Variants in CD36 observed in about 807,000 individuals in gnomAD.
CD36 encodes CD36 molecule (CD36 blood group).
In CD36, 119 loss-of-function variants were observed where a neutral mutation model predicts 55.2. The ratio of observed to expected loss-of-function variants is 2.15; its 90% confidence interval spans 1.86 to 2.51. CD36 has a LOEUF of 2.51. Ranked by LOEUF, CD36 falls within the 30% of genes most tolerant of loss-of-function variation. CD36 has a pLI of 0.00. For synonymous variants in CD36, 186 were observed against 193.6 expected, an observed-to-expected ratio of 0.96 and a Z score of 0.33; for missense variants, 819 against 555.5, an observed-to-expected ratio of 1.47 and a Z score of -4.77.
At chr7:80,615,639 G>A (rs1793108156) in intron 1 of CD36, among the ~76,000 whole-genome samples, 1 of 152,112 alleles carries the variant, frequency 6.6e-6, no homozygotes, top group Non-Finnish European at 1.5e-5. Flanking sequence ...CTCAAAGCCT[G>A]GAGTATGATT....
chr7:80,640,740 T>C (rs747598268), intron 1 of CD36, among the ~76,000 whole-genome samples: 1 of 152,062 alleles, frequency 6.6e-6, no homozygotes, highest in African/African-American at 2.4e-5. Flanking sequence ...TAATCCCTGG[T>C]TCATAAGTCT....
chr7:80,636,472 C>T (rs1277902087), upstream of CD36, among the ~76,000 whole-genome samples: 1 of 150,896 alleles, frequency 6.6e-6, no homozygotes, highest in Non-Finnish European at 1.5e-5. Context: ...TAACTAGGGC[C>T]CGGTAGCCTG....
intron 4 of CD36, among the ~76,000 whole-genome samples, chr7:80,659,029 G>A (rs1211778612): frequency 6.6e-6 from 1 of 152,072 alleles, no homozygotes; most frequent in East Asian, 1.9e-4. Flanking sequence ...TCCATAAATA[G>A]CTCTTTCTGT....
At position 80,670,820 on chromosome 7, in the gene CD36, A is replaced by G. The variant is rs1797586086; in HGVS notation, c.819-157A>G. 6.4e-6 allele frequency: 4 copies of G among 629,850 alleles called. No homozygotes were observed. The East Asian group carries it at 8.1e-5, about 13-fold the overall frequency. The allele number at this position is 629,850 out of a possible 1,614,324, so 39.0% of individuals were successfully genotyped here. On this transcript the variant is annotated intron_variant, in intron 9 of 14. Coordinates refer to ENST00000447544, the MANE Select transcript of CD36 (RefSeq NM_001001548.3). ...TCATGCTTGGCTATTGAGTTTTAGT[A>G]TGTGTTAAAATTTCCCAATCACTTT...
At chr7:80,617,692 A>C (rs1420916365) in intron 1 of CD36, among the ~76,000 whole-genome samples, 1 of 149,348 alleles carries the variant, frequency 6.7e-6, no homozygotes, top group Non-Finnish European at 1.5e-5. Context: ...GTGCCACTGC[A>C]CTCCAGTCTG....
At position 80,673,160 on chromosome 7, in the gene CD36, G is replaced by GA. The variant is rs906616722; in HGVS notation, c.1200-187dup. ...ATTGAAAGGAAAAATCCACACTTGT[G>GA]AAAAAAAATCAATGTGATTAGAAGA... On this transcript the variant is annotated intron_variant, in intron 12 of 14. Transcript: ENST00000447544. 122 of 505,646 alleles carry GA rather than the reference G, an allele frequency of 2.4e-4. No homozygotes were observed. In the East Asian group the frequency reaches 3.1e-3, roughly 13 times the overall value. 31.3% of individuals were successfully genotyped at this position (505,646 alleles called of 1,614,324 possible). A position where few individuals can be genotyped will look rare whatever the true frequency, so the allele number is the denominator to read the frequency against.
At chr7:80,622,459 T>A (rs962803632) in intron 1 of CD36, among the ~76,000 whole-genome samples, 11 of 152,110 alleles carry the variant, frequency 7.2e-5, no homozygotes, top group African/African-American at 2.7e-4. Flanking sequence ...GTCTCAAACA[T>A]TACAGCAGAA....
intron 1 of CD36, among the ~76,000 whole-genome samples, chr7:80,619,702 G>A (rs990400502): frequency 2.0e-5 from 3 of 150,044 alleles, no homozygotes; most frequent in African/African-American, 7.3e-5. Context: ...TAATTCATGT[G>A]ATGGATCTGG....
At chr7:80,673,958 ATGT>A (rs776885834) in intron 13 of CD36, 22 bp from the exon 14 acceptor site, 16 of 1,595,008 alleles carry the variant, frequency 1.0e-5, no homozygotes, top group South Asian at 6.6e-5. Context: ...TACCCAAATA[ATGT>A]TGATTATTAA....
In CD36 at chr7:80,632,434, T is replaced by A. The variant is rs535699397; in HGVS notation, c.-183-13654T>A. 1.4e-4 allele frequency among the ~76,000 whole-genome samples: 22 copies of A among 152,212 alleles called. No homozygotes were observed. The South Asian group carries it at 3.7e-3, about 26-fold the overall frequency. Reference sequence around the variant, plus strand: ...GTTTGTGTGTGTATACACATGCATATCTGCATATGTATTTCAGTCTTTTAG... The same window carrying A: ...GTTTGTGTGTGTATACACATGCATAACTGCATATGTATTTCAGTCTTTTAG... On this transcript the variant is annotated intron_variant, in intron 1 of 13. Coordinates refer to the CD36 transcript ENST00000309881.
chr7:80,615,556 A>G (rs912868105), intron 1 of CD36, among the ~76,000 whole-genome samples: 4 of 152,144 alleles, frequency 2.6e-5, no homozygotes, highest in Non-Finnish European at 5.9e-5. Context: ...TTATTTTACA[A>G]TCTATCTCCT....
chr7:80,643,416 A>C (rs2116343069), intron 1 of CD36, among the ~76,000 whole-genome samples: 1 of 152,318 alleles, frequency 6.6e-6, no homozygotes, highest in East Asian at 1.9e-4. Context: ...TAACTTTTCC[A>C]GAGAGATAAC....
intron 1 of CD36, among the ~76,000 whole-genome samples, chr7:80,642,396 A>C (rs1469619136): frequency 6.6e-6 from 1 of 152,146 alleles, no homozygotes; most frequent in South Asian, 2.1e-4. Context: ...TAGACAGCTA[A>C]ATTTGGTGGA....
chr7:80,613,915 G>A (rs985553875), intron 1 of CD36, among the ~76,000 whole-genome samples: 12 of 152,094 alleles, frequency 7.9e-5, no homozygotes, highest in Non-Finnish European at 1.3e-4. Context: ...CATATAATTA[G>A]CTAATGTGCT....
chr7:80,633,013 T>C (rs866639214), intron 1 of CD36, among the ~76,000 whole-genome samples: 2 of 152,132 alleles, frequency 1.3e-5, no homozygotes, highest in African/African-American at 4.8e-5. Context: ...TTGATTTTTT[T>C]CCTGCTATTT....
rs200237960 is a variant in CD36 at position 80,672,848 on chromosome 7, G to C, written c.1199+5G>C. ...CAAGCCATCAGAAAAAATTCAGTGA[G>C]TCTCTTGAAAATGGTTATTTTGATA... On this transcript the variant is annotated splice_donor_5th_base_variant and intron_variant, in intron 12 of 14. Coordinates refer to ENST00000447544, the MANE Select transcript of CD36 (RefSeq NM_001001548.3). 1.9e-6 allele frequency: 3 copies of C among 1,600,564 alleles called. No homozygotes were observed. Among genetic ancestry groups the C allele is most frequent in the African/African-American group, 2.7e-5 (2 of 74,648 alleles).
intron 11 of CD36, 140 bp from the exon 12 acceptor site, chr7:80,672,620 CTATAACTATA>C (rs1562824793): frequency 1.6e-6 from 1 of 622,090 alleles, no homozygotes; most frequent in African/African-American, 1.9e-5. Context: ...GTGTATATAA[CTATAACTATA>C]TATGCAGTTT....
At position 80,646,783 on chromosome 7, in the gene CD36, A is replaced by C. The variant is rs778170886; in HGVS notation, c.43A>C (p.Ile15Leu). The C allele has an allele frequency of 1.4e-5, 22 of 1,613,914 alleles. No homozygotes were observed. In the East Asian group the frequency reaches 4.7e-4, roughly 34 times the overall value. Residue 15 changes from isoleucine to leucine, a missense_variant, in exon 3 of 15, where the codon ATT becomes CTT. Transcript: ENST00000447544. The stretch of plus-strand genomic sequence containing the variant: ...CTGTGGGCTCATCGCTGGGGCTGTC[A>C]TTGGTGCTGTCCTGGCTGTGTTTGG... ...RNCGLIAGAV[I>L]GAVLAVFGGI...
In CD36 at chr7:80,678,763, G is replaced by C. The variant is rs1489221571; in HGVS notation, c.*2380G>C. ...AGCTGCTCGGGAGACTGAATCTCTT[G>C]AGCCTGGGAAGCAGAGGTTGCAGTG... On this transcript the variant is annotated 3_prime_UTR_variant, in exon 15 of 15. Transcript: ENST00000447544. 6.6e-6 allele frequency: 1 copy of C among 151,850 alleles called. No homozygotes were observed. The highest frequency in any genetic ancestry group is 1.5e-5 in the Non-Finnish European group (1 of 68,018). The allele number at this position is 151,850 out of a possible 1,614,324, so 9.4% of individuals were successfully genotyped here. A position where few individuals can be genotyped will look rare whatever the true frequency, so the allele number is the denominator to read the frequency against.
Sources: gnomAD v4.1 joint callset for allele counts (sites outside exome capture counted in the v4.1 genomes callset) on GRCh38, gnomAD v4.1.1 for gene constraint, MANE v1.5 for transcripts, NCBI Gene and HGNC (gene_info 2026-07-23, HGNC 2026-07-21) for gene names.